The following L3HYPDH variants were observed in gnomAD, a reference collection of about 807,000 sequenced individuals.
L3HYPDH encodes the protein trans-L-3-hydroxyproline dehydratase.
In L3HYPDH, 32 loss-of-function variants were observed where a neutral mutation model predicts 26.5. The observed-to-expected ratio is 1.21, with a 90% CI of 0.91 to 1.62. The LOEUF is 1.62. L3HYPDH is among the 40% of genes most tolerant of loss of function. The probability of loss-of-function intolerance (pLI) is 0.00; values close to 1 mark genes in which losing one functional copy is unlikely to be tolerated. For missense variants in L3HYPDH, 554 were observed against 476.4 expected, an observed-to-expected ratio of 1.16 and a Z score of -1.52; for synonymous variants, 215 against 196.6, an observed-to-expected ratio of 1.09 and a Z score of -0.78.
intron 1 of L3HYPDH, among the ~76,000 whole-genome samples, chr14:59,480,332 G>A (rs569030122): frequency 6.6e-6 from 1 of 152,308 alleles, no homozygotes; most frequent in Non-Finnish European, 1.5e-5. Flanking sequence ...ACAGGAGCAG[G>A]AGTGAAGAAA....
At chr14:59,488,298 T>A (rs922153508), upstream of L3HYPDH, among the ~76,000 whole-genome samples, 6 of 152,084 alleles carry the variant, frequency 3.9e-5, no homozygotes, top group African/African-American at 1.4e-4. Flanking sequence ...GAAGGAGATA[T>A]AAAAATAACT....
the L3HYPDH span, among the ~76,000 whole-genome samples, chr14:59,499,898 A>G: frequency 3.9e-5 from 6 of 152,156 alleles, no homozygotes; most frequent in Admixed American, 3.3e-4. Context: ...CCATTCCCTT[A>G]TACCTTCCTG....
upstream of L3HYPDH, chr14:59,487,516 C>G: frequency 1.8e-6 from 1 of 562,122 alleles, no homozygotes; most frequent in Non-Finnish European, 3.1e-6. Flanking sequence ...ATATAGATTT[C>G]TTTTTATTTT....
At chr14:59,488,117 A>G (rs1890719682), upstream of L3HYPDH, among the ~76,000 whole-genome samples, 2 of 152,104 alleles carry the variant, frequency 1.3e-5, no homozygotes, top group Non-Finnish European at 2.9e-5. Context: ...GGTTATGATT[A>G]CAAGCTATTT....
chr14:59,493,649 A>G, the L3HYPDH span, among the ~76,000 whole-genome samples: 3,233 of 152,328 alleles, frequency 0.021, 115 homozygotes, highest in African/African-American at 0.073. Context: ...ACTATTTCCT[A>G]TATTCCATGT....
In L3HYPDH at chr14:59,484,379, A is replaced by C; in HGVS notation, c.-63T>G. The C allele has an allele frequency of 6.7e-7, 1 of 1,493,812 alleles. No individual in the cohort carries two copies. Among genetic ancestry groups the C allele is most frequent in the Non-Finnish European group, 9.0e-7 (1 of 1,109,466 alleles). The allele number at this position is 1,493,812 out of a possible 1,614,324, so 92.5% of individuals were successfully genotyped here. On this transcript the variant is annotated 5_prime_UTR_variant, in exon 1 of 5. Transcript: ENST00000247194. ...ATGGCTTCAAGCCCGACCCTCACCC[A>C]CTGACTCCGCGGGAGGAGGGCGGGA...
At chr14:59,480,332 G>T (rs569030122) in intron 1 of L3HYPDH, among the ~76,000 whole-genome samples, 1 of 152,190 alleles carries the variant, frequency 6.6e-6, no homozygotes, top group Non-Finnish European at 1.5e-5. Flanking sequence ...ACAGGAGCAG[G>T]AGTGAAGAAA....
the L3HYPDH span, chr14:59,498,963 T>G: frequency 1.0e-6 from 1 of 957,066 alleles, no homozygotes; most frequent in South Asian, 2.4e-5. Flanking sequence ...TGTAGTAATA[T>G]TTCCTCTAGA....
At chr14:59,479,449 G>T in intron 1 of L3HYPDH, 98 bp from the exon 2 acceptor site, 1 of 1,110,554 alleles carries the variant, frequency 9.0e-7, no homozygotes, top group Non-Finnish European at 1.3e-6. Context: ...TTTCAAGAGG[G>T]ATGTTCTTTT....
At chr14:59,474,664 C>G in intron 4 of L3HYPDH, 1 of 574,074 alleles carries the variant, frequency 1.7e-6, no homozygotes. Context: ...GGTAAATTAC[C>G]TAACTTCTCC....
the L3HYPDH span, among the ~76,000 whole-genome samples, chr14:59,491,295 ATGC>A: frequency 6.6e-6 from 1 of 152,218 alleles, no homozygotes; most frequent in African/African-American, 2.4e-5. Context: ...AGAGAAGACG[ATGC>A]TGGTGGGGGT....
intron 2 of L3HYPDH, among the ~76,000 whole-genome samples, chr14:59,477,755 C>G (rs1889737483): frequency 6.6e-6 from 1 of 152,168 alleles, no homozygotes; most frequent in South Asian, 2.1e-4. Context: ...AGTGTATATT[C>G]TCATTTTAAG....
At chr14:59,488,912 A>G (rs927993635), upstream of L3HYPDH, among the ~76,000 whole-genome samples, 2 of 152,262 alleles carry the variant, frequency 1.3e-5, no homozygotes, top group Non-Finnish European at 2.9e-5. Context: ...AGAGTGCCCA[A>G]TTAAAAGAGA....
chr14:59,497,214 A>G, the L3HYPDH span, among the ~76,000 whole-genome samples: 722 of 152,280 alleles, frequency 4.7e-3, 4 homozygotes, highest in Middle Eastern at 0.014. Context: ...TTCTATCATT[A>G]TAACTTACTG....
At chr14:59,470,957 G>GGGT (rs1889294841), downstream of L3HYPDH, among the ~76,000 whole-genome samples, 1 of 23,276 alleles carries the variant, frequency 4.3e-5, no homozygotes, top group African/African-American at 1.0e-4. Flanking sequence ...GCTGGGGGCG[G>GGGT]GGGGGGGGGG....
chr14:59,466,997 TTATCA>T (rs1309123981), intron 1 of L3HYPDH, among the ~76,000 whole-genome samples: 2 of 152,194 alleles, frequency 1.3e-5, no homozygotes, highest in East Asian at 3.9e-4. Flanking sequence ...AAAAATATAA[TTATCA>T]TACATTAATT....
At chr14:59,498,879 T>C in the L3HYPDH span, 1 of 1,610,256 alleles carries the variant, frequency 6.2e-7, no homozygotes, top group South Asian at 1.1e-5. Flanking sequence ...ATTTTAACCG[T>C]GCTTCAGGCA....
At chr14:59,466,808 C>T (rs1189754539) in intron 1 of L3HYPDH, among the ~76,000 whole-genome samples, 1 of 152,094 alleles carries the variant, frequency 6.6e-6, no homozygotes, top group Non-Finnish European at 1.5e-5. Context: ...ATTGCAGGGG[C>T]CATCTATACA....
chr14:59,495,017 G>C, the L3HYPDH span: 1 of 1,611,964 alleles, frequency 6.2e-7, no homozygotes, highest in Non-Finnish European at 8.5e-7. Flanking sequence ...TCCTTCTCTA[G>C]TTCCAGCGCA....
Sources: gnomAD v4.1 joint callset for allele counts (sites outside exome capture counted in the v4.1 genomes callset) on GRCh38, gnomAD v4.1.1 for gene constraint, MANE v1.5 for transcripts, NCBI Gene and HGNC (gene_info 2026-07-23, HGNC 2026-07-21) for gene names.